Variants in MAPK9 observed in about 807,000 individuals in gnomAD.
MAPK9 encodes Jun kinase.
In MAPK9, 30 loss-of-function variants were observed where a neutral mutation model predicts 57.1. The observed-to-expected ratio is 0.53, with a 90% CI of 0.39 to 0.71. MAPK9 has a LOEUF of 0.71. MAPK9 is among the 30% of genes least tolerant of loss of function. MAPK9 has a pLI of 0.00. For missense variants in MAPK9, 362 were observed against 521.0 expected (o/e 0.69, Z 2.97); for synonymous variants, 155 against 177.0 (o/e 0.88, Z 0.99).
intron 3 of MAPK9, among the ~76,000 whole-genome samples, chr5:180,266,627 T>C (rs1760589377): frequency 6.6e-6 from 1 of 151,990 alleles, no homozygotes; most frequent in African/African-American, 2.4e-5. Flanking sequence ...TGATACTTTT[T>C]TTTTTTTAGG....
intron 2 of MAPK9, among the ~76,000 whole-genome samples, chr5:180,271,806 C>T (rs1026208493): frequency 6.6e-6 from 1 of 152,194 alleles, no homozygotes; most frequent in South Asian, 2.1e-4. Context: ...AAAGGATTCT[C>T]TTATATTTCA....
intron 3 of MAPK9, among the ~76,000 whole-genome samples, chr5:180,268,067 A>T (rs766350093): frequency 5.3e-5 from 8 of 151,486 alleles, no homozygotes; most frequent in Non-Finnish European, 1.2e-4. Flanking sequence ...GTCATGATCC[A>T]CCCGCCTCGG....
intron 10 of MAPK9, among the ~76,000 whole-genome samples, chr5:180,239,364 C>G (rs989331431): frequency 6.6e-6 from 1 of 152,184 alleles, no homozygotes; most frequent in South Asian, 2.1e-4. Flanking sequence ...CACAGGTAAC[C>G]GGCACTCCCA....
intron 2 of MAPK9, among the ~76,000 whole-genome samples, chr5:180,276,001 C>T (rs1239691864): frequency 6.6e-6 from 1 of 152,126 alleles, no homozygotes; most frequent in African/African-American, 2.4e-5. Context: ...AGTTCCAAAC[C>T]ACTCATTTTA....
chr5:180,279,688 AAAAAG>A, intron 2 of MAPK9: 1 of 357,936 alleles, frequency 2.8e-6, no homozygotes, highest in Non-Finnish European at 5.5e-6. Flanking sequence ...TTGACCAAAA[AAAAAG>A]AAAAAGAAAA....
Position 180,247,910 on chromosome 5 carries a change from G to A in MAPK9, c.617-400C>T, listed in dbSNP as rs376096901. 7.4e-6 allele frequency: 12 copies of A among 1,613,898 alleles called. No individual in the cohort carries two copies. Among genetic ancestry groups the A allele is most frequent in the East Asian group, 2.2e-5 (1 of 44,886 alleles). ...GGACCATTTCTGCCATGATGCACCC[G>A]ACAGACCAGATGTCCACTACCAAAC... On this transcript the variant is annotated intron_variant, in intron 6 of 11. Transcript: ENST00000452135. This position sits in a 1 kb window ranked among gnomAD's most constrained non-coding sequence, Gnocchi z 4.5.
Position 180,247,516 on chromosome 5 carries a change from A to G in MAPK9, c.617-6T>C, listed in dbSNP as rs1758241701. ...ACCCACTGACCAGATATCAACTGAAAATAAAATGAAATGATAAAATTATGA... is the reference window on the plus strand; with the variant it reads ...ACCCACTGACCAGATATCAACTGAAGATAAAATGAAATGATAAAATTATGA... On this transcript the variant is annotated splice_region_variant and splice_polypyrimidine_tract_variant and intron_variant, in intron 6 of 11. Transcript: ENST00000452135. The surrounding 1 kb of genome is among the most constrained non-coding windows in gnomAD (Gnocchi z 4.5). The G allele has an allele frequency of 6.2e-7, 1 of 1,611,020 alleles. No homozygotes were observed. The highest frequency in any genetic ancestry group is 1.1e-5 in the South Asian group (1 of 90,942).
At chr5:180,291,322 T>TGGGGGGGGG (rs1763213427) in intron 1 of MAPK9, among the ~76,000 whole-genome samples, 1 of 11,120 alleles carries the variant, frequency 9.0e-5, no homozygotes, top group African/African-American at 3.3e-4. Context: ...GCTGGGCGGG[T>TGGGGGGGGG]GGGGAGGGGG....
chr5:180,264,710 A>T, intron 4 of MAPK9, 71 bp downstream of exon 4: 1 of 1,390,790 alleles, frequency 7.2e-7, no homozygotes, highest in Non-Finnish European at 9.6e-7. Context: ...AAGTATAAAA[A>T]GCAGTTGCTG....
rs1461004761 is a variant in MAPK9 at position 180,236,157 on chromosome 5, G to A, written c.*227C>T. ...CTAACTGCTCACCTGAAATGATCTT[G>A]AACAAAATCTCTAGAAGTGTGGCTT... is the stretch of plus-strand genomic sequence containing the variant. On this transcript the variant is annotated 3_prime_UTR_variant, in exon 12 of 12. Transcript: ENST00000452135. 2 of 385,460 alleles carry A rather than the reference G, an allele frequency of 5.2e-6. No individual in the cohort carries two copies. Among genetic ancestry groups the A allele is most frequent in the Non-Finnish European group, 9.2e-6 (2 of 217,640 alleles). 23.9% of individuals were successfully genotyped at this position (385,460 alleles called of 1,614,324 possible).
At position 180,280,306 on chromosome 5, in the gene MAPK9, T is replaced by A; in HGVS notation, c.122+134A>T. The stretch of plus-strand genomic sequence containing the variant: ...ACTACACAGAACTAGAGCAAGCAGT[T>A]GATTCAATTTAGCTCATAAACCTAT... On this transcript the variant is annotated intron_variant, in intron 2 of 11. Coordinates refer to ENST00000452135, the MANE Select transcript of MAPK9 (RefSeq NM_002752.5). 3 of 1,168,234 alleles carry A rather than the reference T, an allele frequency of 2.6e-6. No homozygotes were observed. The South Asian group carries it at 4.8e-5, about 19-fold the overall frequency. The allele number at this position is 1,168,234 out of a possible 1,614,324, so 72.4% of individuals were successfully genotyped here. A position where few individuals can be genotyped will look rare whatever the true frequency, so the allele number is the denominator to read the frequency against.
At chr5:180,272,732 C>A (rs1205588557) in intron 2 of MAPK9, among the ~76,000 whole-genome samples, 4 of 152,186 alleles carry the variant, frequency 2.6e-5, no homozygotes, top group African/African-American at 9.7e-5. Flanking sequence ...ATAACTATAT[C>A]ACATTACGTT....
At position 180,235,341 on chromosome 5, in the gene MAPK9, A is replaced by T. The variant is rs1757099289; in HGVS notation, c.*1043T>A. On this transcript the variant is annotated 3_prime_UTR_variant, in exon 12 of 12. Transcript: ENST00000452135. ...TTCTTCCAGTGAAGAAAGAAAATCA[A>T]GAACGTGGTATTGGCCGAGGGAAAG... The T allele has an allele frequency of 6.6e-6, 1 of 152,214 alleles. No individual in the cohort carries two copies. The highest frequency in any genetic ancestry group is 1.5e-5 in the Non-Finnish European group (1 of 68,050). 9.4% of individuals were successfully genotyped at this position (152,214 alleles called of 1,614,324 possible).
intron 1 of MAPK9, among the ~76,000 whole-genome samples, chr5:180,284,917 T>C (rs868633811): frequency 1.3e-5 from 2 of 152,106 alleles, no homozygotes; most frequent in Admixed American, 6.5e-5. Context: ...CACACACGCA[T>C]ACACACGCAC....
At chr5:180,274,596 C>G (rs1761648869) in intron 2 of MAPK9, among the ~76,000 whole-genome samples, 1 of 152,192 alleles carries the variant, frequency 6.6e-6, no homozygotes, top group Non-Finnish European at 1.5e-5. Flanking sequence ...TAGACTCTGC[C>G]AACAGGCTGA....
At chr5:180,282,827 G>A (rs1221863322) in intron 1 of MAPK9, among the ~76,000 whole-genome samples, 1 of 152,204 alleles carries the variant, frequency 6.6e-6, no homozygotes, top group East Asian at 1.9e-4. Context: ...TGCCCTCAGT[G>A]AGCGCACACT....
At chr5:180,270,113 C>T (rs1161179814) in intron 2 of MAPK9, among the ~76,000 whole-genome samples, 2 of 152,206 alleles carry the variant, frequency 1.3e-5, no homozygotes, top group Admixed American at 1.3e-4. Context: ...CCTGATTACA[C>T]ATTTTTAGGT....
chr5:180,238,908 CTACAT>C (rs1394906370), intron 10 of MAPK9, among the ~76,000 whole-genome samples: 3 of 152,192 alleles, frequency 2.0e-5, no homozygotes, highest in Non-Finnish European at 2.9e-5. Flanking sequence ...TGCGCCTGGA[CTACAT>C]TACATCTTTT....
chr5:180,283,095 G>A (rs1382521139), intron 1 of MAPK9, among the ~76,000 whole-genome samples: 2 of 152,136 alleles, frequency 1.3e-5, no homozygotes, highest in African/African-American at 4.8e-5. Flanking sequence ...TGCGACACAG[G>A]CGCTGAGGTG....
Sources: allele counts gnomAD v4.1 joint callset (sites outside exome capture counted in the v4.1 genomes callset), GRCh38; gene constraint gnomAD v4.1.1; non-coding constraint Gnocchi (gnomAD v3.1); transcripts MANE v1.5; gene names NCBI Gene and HGNC (gene_info 2026-07-23, HGNC 2026-07-21).